The following LRBA variants were observed in gnomAD, a reference collection of about 807,000 sequenced individuals.
LRBA encodes lipopolysaccharide-responsive and beige-like anchor protein.
A neutral mutation model predicts 330.0 loss-of-function variants in LRBA; 176 were observed. The ratio of observed to expected loss-of-function variants is 0.53; its 90% CI spans 0.47 to 0.60. The LOEUF is 0.60. Among genes scored for constraint, LRBA ranks in the 20% least tolerant of loss-of-function variants. The pLI is 0.00. For synonymous variants in LRBA, 1,230 were observed against 1,193.0 expected (o/e 1.03, Z -0.64); for missense variants, 3,259 against 3,444.8 (o/e 0.95, Z 1.35).
At chr4:150,698,076 A>G (rs1341157310) in intron 36 of LRBA, among the ~76,000 whole-genome samples, 1 of 152,188 alleles carries the variant, frequency 6.6e-6, no homozygotes, top group African/African-American at 2.4e-5. Context: ...GCAAAATAAA[A>G]TACTTTGTAT....
intron 55 of LRBA, among the ~76,000 whole-genome samples, chr4:150,282,185 G>A (rs750588581): frequency 6.6e-6 from 1 of 152,174 alleles, no homozygotes; most frequent in Non-Finnish European, 1.5e-5. Context: ...CACCCAGGAT[G>A]GCTTCAGAAG....
At chr4:150,639,833 A>C in intron 37 of LRBA, among the ~76,000 whole-genome samples, 1 of 20,448 alleles carries the variant, frequency 4.9e-5, no homozygotes, top group Admixed American at 6.5e-4. Context: ...ATATATATAT[A>C]TATATATATA....
chr4:150,305,379 A>G (rs557031258), intron 52 of LRBA, among the ~76,000 whole-genome samples: 285 of 152,322 alleles, frequency 1.9e-3, no homozygotes, highest in South Asian at 3.9e-3. Context: ...GTTCCTTTTC[A>G]AAATTTTTAG....
intron 46 of LRBA, among the ~76,000 whole-genome samples, chr4:150,432,006 T>C (rs1256411514): frequency 6.6e-6 from 1 of 152,170 alleles, no homozygotes; most frequent in Non-Finnish European, 1.5e-5. Flanking sequence ...TTTTGGGTAA[T>C]ATTATTCTTT....
intron 36 of LRBA, among the ~76,000 whole-genome samples, chr4:150,692,472 G>A (rs1006310174): frequency 9.2e-5 from 14 of 151,940 alleles, no homozygotes; most frequent in African/African-American, 1.5e-4. Context: ...CACTCACCTC[G>A]GCCTCCCAAA....
chr4:150,455,243 C>T (rs931758394), intron 44 of LRBA, among the ~76,000 whole-genome samples: 6 of 150,594 alleles, frequency 4.0e-5, no homozygotes, highest in East Asian at 2.0e-4. Flanking sequence ...TTTGTTCTTG[C>T]GATAGAAATA....
intron 53 of LRBA, among the ~76,000 whole-genome samples, chr4:150,287,632 T>A (rs906012675): frequency 3.3e-5 from 5 of 152,134 alleles, no homozygotes; most frequent in Non-Finnish European, 5.9e-5. Flanking sequence ...TAATCCTGAG[T>A]GAGACTTAAG....
intron 17 of LRBA, among the ~76,000 whole-genome samples, chr4:150,892,580 A>T (rs962628295): frequency 6.6e-6 from 1 of 152,200 alleles, no homozygotes; most frequent in African/African-American, 2.4e-5. Flanking sequence ...ACTGTGAGAA[A>T]CCAATTTTTG....
intron 35 of LRBA, among the ~76,000 whole-genome samples, chr4:150,750,952 T>TTTTTA (rs1733449729): frequency 6.6e-6 from 1 of 151,844 alleles, no homozygotes; most frequent in South Asian, 2.1e-4. Context: ...CTTTTGCTTC[T>TTTTTA]TTTTATTTTA....
chr4:150,473,287 A>G (rs1312706278), intron 42 of LRBA, among the ~76,000 whole-genome samples: 1 of 152,118 alleles, frequency 6.6e-6, no homozygotes, highest in Non-Finnish European at 1.5e-5. Context: ...TCATTTATTG[A>G]GCTGTTTGCA....
At chr4:150,632,033 C>G (rs1391473878) in intron 37 of LRBA, among the ~76,000 whole-genome samples, 2 of 152,096 alleles carry the variant, frequency 1.3e-5, no homozygotes, top group Admixed American at 1.3e-4. Flanking sequence ...GAGTGTGAAA[C>G]CAGCCTGGCC....
chr4:150,920,238 T>C (rs1309990330), intron 5 of LRBA, among the ~76,000 whole-genome samples: 1 of 152,118 alleles, frequency 6.6e-6, no homozygotes, highest in Non-Finnish European at 1.5e-5. Context: ...AAGAATAGAC[T>C]GAAATATCTT....
intron 36 of LRBA, among the ~76,000 whole-genome samples, chr4:150,686,349 T>G (rs934462307): frequency 1.1e-4 from 16 of 152,232 alleles, no homozygotes; most frequent in Non-Finnish European, 2.1e-4. Flanking sequence ...TTTCATACGC[T>G]ATATTTTTAA....
chr4:150,681,753 T>G (rs942885045), intron 37 of LRBA, among the ~76,000 whole-genome samples: 1 of 152,208 alleles, frequency 6.6e-6, no homozygotes, highest in Admixed American at 6.5e-5. Flanking sequence ...AAGTAAGAGA[T>G]ATTTTGTTCT....
chr4:150,989,109 T>A (rs1002121670), intron 2 of LRBA, among the ~76,000 whole-genome samples: 6 of 151,944 alleles, frequency 3.9e-5, no homozygotes, highest in Non-Finnish European at 5.9e-5. Context: ...TTTAAGCAAT[T>A]CTCCTGCCTC....
At chr4:150,622,688 C>CTTTTATTTTTTTTTTTTTTTTTTT (rs1776417520) in intron 37 of LRBA, among the ~76,000 whole-genome samples, 1 of 105,662 alleles carries the variant, frequency 9.5e-6, no homozygotes, top group African/African-American at 4.2e-5. Context: ...CTAAATCAAT[C>CTTTTATTTTTTTTTTTTTTTTTTT]TTTTTTTTTT....
Position 150,905,829 on chromosome 4 carries a change from A to G in LRBA, c.1755+9T>C. On this transcript the variant is annotated intron_variant, in intron 13 of 56. Coordinates refer to ENST00000651943, the MANE Select transcript of LRBA (RefSeq NM_001364905.1). ...AGTAAAACAATATCAATATATAGAT[A>G]TATATTACCTTGGCTGGGGTATGAA... The G allele has an allele frequency of 3.1e-6, 5 of 1,605,870 alleles. No individual in the cohort carries two copies. The highest frequency in any genetic ancestry group is 4.3e-6 in the Non-Finnish European group (5 of 1,173,950).
At chr4:150,638,477 T>C (rs1240678219) in intron 37 of LRBA, among the ~76,000 whole-genome samples, 3 of 152,208 alleles carry the variant, frequency 2.0e-5, no homozygotes, top group African/African-American at 7.2e-5. Flanking sequence ...CATTTACTTT[T>C]AACAATAAAA....
intron 51 of LRBA, among the ~76,000 whole-genome samples, chr4:150,314,018 T>C (rs1304244972): frequency 6.6e-6 from 1 of 151,904 alleles, no homozygotes; most frequent in African/African-American, 2.4e-5. Flanking sequence ...TTTGGAGTAT[T>C]TGGGGCTTGG....
Sources: gnomAD v4.1 joint callset for allele counts (sites outside exome capture counted in the v4.1 genomes callset) on GRCh38, gnomAD v4.1.1 for gene constraint, MANE v1.5 for transcripts, NCBI Gene and HGNC (gene_info 2026-07-23, HGNC 2026-07-21) for gene names.